SLC16A12: variants seen among roughly 807,000 people sequenced by gnomAD.
SLC16A12 encodes solute carrier family 16 member 12, also known as monocarboxylate transporter 12.
In SLC16A12, 17 loss-of-function variants were observed where a neutral mutation model predicts 42.4. That is an observed-to-expected ratio of 0.40 (90% CI 0.27 to 0.60). The LOEUF (loss-of-function observed/expected upper bound fraction) is 0.60. Ranked by LOEUF, SLC16A12 falls within the 20% of genes least tolerant of loss-of-function variation. The pLI is 0.42. For missense variants in SLC16A12, 544 were observed against 623.0 expected, an observed-to-expected ratio of 0.87 and a Z score of 1.35; for synonymous variants, 224 against 229.4, an observed-to-expected ratio of 0.98 and a Z score of 0.21.
At chr10:89,540,645 C>G (rs1402005368) in intron 2 of SLC16A12, among the ~76,000 whole-genome samples, 3 of 152,192 alleles carry the variant, frequency 2.0e-5, no homozygotes, top group Non-Finnish European at 2.9e-5. Flanking sequence ...ATTCTCCCTA[C>G]ACCATCACTT....
intron 1 of SLC16A12, 26 bp from the exon 2 acceptor site, chr10:89,534,666 A>AC (rs1843620894): frequency 6.8e-6 from 1 of 147,544 alleles, no homozygotes; most frequent in Non-Finnish European, 1.5e-5. Flanking sequence ...AAAAAAAAAA[A>AC]AAAAATCCAA....
At chr10:89,449,780 C>G (rs1842063209) in intron 3 of SLC16A12, among the ~76,000 whole-genome samples, 1 of 152,160 alleles carries the variant, frequency 6.6e-6, no homozygotes, top group Non-Finnish European at 1.5e-5. Flanking sequence ...AACTAAAGAG[C>G]TTCTGCACAG....
chr10:89,472,581 C>T (rs1428860164), intron 2 of SLC16A12, among the ~76,000 whole-genome samples: 1 of 148,692 alleles, frequency 6.7e-6, no homozygotes, highest in Non-Finnish European at 1.5e-5. Flanking sequence ...TAACCTCCAC[C>T]TCCTAGGTTC....
chr10:89,549,321 C>T (rs1047249693), intron 2 of SLC16A12, among the ~76,000 whole-genome samples: 1 of 152,190 alleles, frequency 6.6e-6, no homozygotes, highest in Non-Finnish European at 1.5e-5. Flanking sequence ...TAAGTGTACA[C>T]CTCAAGTGCT....
rs1300450363 is a variant in SLC16A12 at position 89,476,768 on chromosome 10, C to A, written c.-46-14144G>T. Reference sequence around the variant, plus strand: ...CTCTGGGCACATACCTAGGCCCTGACCCCAGACCAGGCCAAAGGTGGAAAC... The same window carrying A: ...CTCTGGGCACATACCTAGGCCCTGAACCCAGACCAGGCCAAAGGTGGAAAC... On this transcript the variant is annotated intron_variant, in intron 2 of 7. Transcript: ENST00000371790. Among the ~76,000 whole-genome samples the A allele has an allele frequency of 2.0e-5, 3 of 152,366 alleles. No homozygotes were observed. In the East Asian group the frequency reaches 5.8e-4, roughly 29 times the overall value.
intron 2 of SLC16A12, among the ~76,000 whole-genome samples, chr10:89,481,819 C>G (rs921841148): frequency 6.6e-6 from 1 of 151,998 alleles, no homozygotes; most frequent in African/African-American, 2.4e-5. Flanking sequence ...TGAAAAAGTC[C>G]ACTTTAGGAC....
intron 2 of SLC16A12, among the ~76,000 whole-genome samples, chr10:89,481,643 T>TTGTGTG (rs66954717): frequency 6.2e-5 from 9 of 144,116 alleles, no homozygotes; most frequent in South Asian, 4.4e-4. Context: ...TTTTTTTTTC[T>TTGTGTG]TGTGTGTGTG....
At chr10:89,543,032 A>T (rs1320795354) in intron 2 of SLC16A12, among the ~76,000 whole-genome samples, 1 of 152,100 alleles carries the variant, frequency 6.6e-6, no homozygotes, top group East Asian at 1.9e-4. Flanking sequence ...GCCTACGGAG[A>T]TCTAACAGCA....
At chr10:89,450,447 C>A (rs1468776699) in intron 3 of SLC16A12, among the ~76,000 whole-genome samples, 1 of 152,224 alleles carries the variant, frequency 6.6e-6, no homozygotes, top group Non-Finnish European at 1.5e-5. Context: ...AGGATGAGTT[C>A]ATGTCGTTTG....
At position 89,438,996 on chromosome 10, in the gene SLC16A12, G is replaced by A; in HGVS notation, c.636C>T (p.Gly212=). 6.2e-7 allele frequency: 1 copy of A among 1,614,140 alleles called. No homozygotes were observed. Among genetic ancestry groups the A allele is most frequent in the Non-Finnish European group, 8.5e-7 (1 of 1,180,032 alleles). The part of the protein sequence containing the change: ...SWRGALLILG[G]FVLNLCVCGA... ...CACATACACAGAGATTCAAGACAAA[G>A]CCCCCAAGAATGAGTAAGGCTCCCC... is the stretch of plus-strand genomic sequence containing the variant. Residue 212 remains glycine (G), a synonymous_variant, in exon 6 of 8, where the codon GGC becomes GGT. Transcript: ENST00000371790.
rs554132751 is a variant in SLC16A12, at chr10:89,527,052, G to T, written c.-47+7449C>A. Among the ~76,000 whole-genome samples, 5 of 152,310 alleles carry T rather than the reference G, an allele frequency of 3.3e-5. No individual in the cohort carries two copies. The East Asian group carries it at 7.7e-4, about 23-fold the overall frequency. On this transcript the variant is annotated intron_variant, in intron 2 of 7. Transcript: ENST00000371790. The stretch of plus-strand genomic sequence containing the variant: ...AAATCTACTGGCCAAAATCCATTAA[G>T]ATTTTTATTCGTGGATAAAAATTTA...
In SLC16A12 at chr10:89,433,151, TC is replaced by T. The variant is rs764459499; in HGVS notation, c.1463del (p.Gly488AspfsTer11). ...CTCTTGCCACAGAATAAGCCACTGATCCATTGGTCCATAGCTGCAGCTTAGG... is the reference window on the plus strand; with the variant it reads ...CTCTTGCCACAGAATAAGCCACTGATCATTGGTCCATAGCTGCAGCTTAGG... ...SDPKLQLWTN[G>X]SVAYSVAREL... On this transcript the variant is annotated frameshift_variant, in exon 8 of 8. Transcript: ENST00000371790. LOFTEE classifies it high-confidence loss of function. 1 of 1,614,066 alleles carries T rather than the reference TC, an allele frequency of 6.2e-7. No homozygotes were observed. Among genetic ancestry groups the T allele is most frequent in the African/African-American group, 1.3e-5 (1 of 74,926 alleles).
intron 2 of SLC16A12, among the ~76,000 whole-genome samples, chr10:89,524,447 C>T (rs529955293): frequency 5.9e-5 from 9 of 152,312 alleles, no homozygotes; most frequent in Non-Finnish European, 1.0e-4. Context: ...CCACACCATC[C>T]GAAGATGAGC....
rs142949034 is a variant in SLC16A12 at position 89,467,523 on chromosome 10, A to G, written c.-46-4899T>C. Among the ~76,000 whole-genome samples, 952 of 152,338 alleles carry G rather than the reference A, an allele frequency of 6.2e-3. 11 individuals are homozygous for G. The highest frequency in any genetic ancestry group is 0.022 in the African/African-American group (919 of 41,568). On this transcript the variant is annotated intron_variant, in intron 2 of 7. Transcript: ENST00000371790. Reference sequence around the variant, plus strand: ...TGTTCAACAAATAGAAGAGTATGCAATTCATTACAATTATAAACAGGAAGC... The same window carrying G: ...TGTTCAACAAATAGAAGAGTATGCAGTTCATTACAATTATAAACAGGAAGC...
At chr10:89,552,288 G>T (rs972247146) in intron 2 of SLC16A12, among the ~76,000 whole-genome samples, 11 of 152,200 alleles carry the variant, frequency 7.2e-5, no homozygotes, top group African/African-American at 2.7e-4. Context: ...ACAAGAAACA[G>T]AAAACAGATT....
intron 2 of SLC16A12, among the ~76,000 whole-genome samples, chr10:89,554,091 A>AGAAGGAAGGAAGGAAGGAAGGAAG (rs1843790662): frequency 7.6e-4 from 19 of 25,104 alleles, no homozygotes; most frequent in African/African-American, 2.3e-3. Flanking sequence ...AAAGAAAGAA[A>AGAAGGAAGGAAGGAAGGAAGGAAG]GAAAGAAAGA....
At chr10:89,437,125 C>A (rs1275221915) in intron 6 of SLC16A12, among the ~76,000 whole-genome samples, 2 of 152,138 alleles carry the variant, frequency 1.3e-5, no homozygotes, top group African/African-American at 4.8e-5. Flanking sequence ...TGTCATAGAT[C>A]ATAAATACTC....
intron 4 of SLC16A12, 109 bp from the exon 5 acceptor site, chr10:89,441,360 C>T: frequency 2.2e-6 from 3 of 1,346,546 alleles, no homozygotes; most frequent in Admixed American, 1.9e-5. Flanking sequence ...TGAGCCCACC[C>T]TATTAATTCT....
Position 89,554,046 on chromosome 10 carries a change from AAGAAAGAAAGAAAG to A in SLC16A12, c.-47+1822_-47+1835del, listed in dbSNP as rs1464690754. ...AAAGAGAGAAAGGAAGAAAGAAAGA[AAGAAAGAAAGAAAG>A]AAAGAAAGAAAGAAAGAAAGAAAGA... On this transcript the variant is annotated intron_variant, in intron 2 of 2. Transcript: ENST00000475682. 2.8e-3 allele frequency among the ~76,000 whole-genome samples: 155 copies of A among 55,936 alleles called. 1 individual carries two copies. The highest frequency in any genetic ancestry group is 0.011 in the African/African-American group (149 of 13,568). 36.7% of individuals were successfully genotyped at this position (55,936 alleles called of 152,430 possible).
Sources: gnomAD v4.1 joint callset for allele counts (sites outside exome capture counted in the v4.1 genomes callset) on GRCh38, gnomAD v4.1.1 for gene constraint, MANE v1.5 for transcripts, NCBI Gene and HGNC (gene_info 2026-07-23, HGNC 2026-07-21) for gene names.